The following SIRT1 variants were observed in gnomAD, a reference collection of about 807,000 sequenced individuals.
SIRT1 encodes NAD-dependent protein deacetylase sirtuin-1.
SIRT1 carries 24 observed loss-of-function variants against 67.9 expected under a neutral mutation model. That is an observed-to-expected ratio of 0.35 (90% CI 0.26 to 0.50). The LOEUF (loss-of-function observed/expected upper bound fraction) is 0.50. Among genes scored for constraint, SIRT1 ranks in the 20% least tolerant of loss-of-function variants. SIRT1 has a pLI of 0.98. For synonymous variants in SIRT1, 378 were observed against 350.7 expected (o/e 1.08, Z -0.87); for missense variants, 873 against 937.2 (o/e 0.93, Z 0.89).
At chr10:67,903,229 G>T (rs1842769851) in intron 4 of SIRT1, among the ~76,000 whole-genome samples, 1 of 152,150 alleles carries the variant, frequency 6.6e-6, no homozygotes, top group Non-Finnish European at 1.5e-5. Context: ...CCAGTAGCAG[G>T]AACTACAGGC....
At chr10:67,913,150 G>A in intron 8 of SIRT1, 119 bp downstream of exon 8, 2 of 994,612 alleles carry the variant, frequency 2.0e-6, no homozygotes, top group Non-Finnish European at 2.9e-6. Flanking sequence ...TCTGTTTAGA[G>A]AAACTGTACA....
At chr10:67,916,028 C>T (rs1461945245) in intron 8 of SIRT1, among the ~76,000 whole-genome samples, 1 of 152,166 alleles carries the variant, frequency 6.6e-6, no homozygotes, top group Non-Finnish European at 1.5e-5. Flanking sequence ...GGGCCTCACT[C>T]TGTTGCCTAG....
Position 67,884,707 on chromosome 10 carries a change from A to C in SIRT1, c.-15A>C. 1 of 1,228,452 alleles carries C rather than the reference A, an allele frequency of 8.1e-7. No individual in the cohort carries two copies. The allele number at this position is 1,228,452 out of a possible 1,614,324, so 76.1% of individuals were successfully genotyped here. ...AGAGGAGGCGAGGGAGGAGGGCCAG[A>C]GAGGCAGTTGGAAGATGGCGGACGA... On this transcript the variant is annotated 5_prime_UTR_variant, in exon 1 of 9. Coordinates refer to ENST00000212015, the MANE Select transcript of SIRT1 (RefSeq NM_012238.5).
intron 6 of SIRT1, among the ~76,000 whole-genome samples, chr10:67,908,978 A>G (rs556190553): frequency 2.0e-5 from 3 of 152,156 alleles, no homozygotes; most frequent in Middle Eastern, 3.2e-3. Flanking sequence ...TTTAGTGTAT[A>G]TACACACATT....
chr10:67,911,797 A>G (rs1396654041), intron 7 of SIRT1, among the ~76,000 whole-genome samples: 2 of 38,910 alleles, frequency 5.1e-5, no homozygotes, highest in Admixed American at 2.8e-4. Flanking sequence ...CCTCCCTCCT[A>G]TCCTCCCTCC....
In SIRT1 at chr10:67,916,444, T is replaced by C. The variant is rs2029915036; in HGVS notation, c.2095T>C (p.Tyr699His). ...GGATGAAAGTGAAATTGAAGAATTC[T>C]ACAATGGCTTAGAAGATGAGCCTGA... is the stretch of plus-strand genomic sequence containing the variant. The part of the protein sequence containing the change: ...MEDESEIEEF[Y>H]NGLEDEPDVP... Residue 699 changes from tyrosine (Y) to histidine (H), a missense_variant, in exon 9 of 9, where the codon TAC (tyrosine) becomes CAC (histidine). By Grantham distance (83) the Tyr-to-His change is moderately conservative. Around this residue, in one of 3 missense-constraint regions of SIRT1, gnomAD observed 295 missense variants for 294.5 expected, o/e 1.00. Coordinates refer to ENST00000212015, the MANE Select transcript of SIRT1 (RefSeq NM_012238.5). 1 of 1,614,080 alleles carries C rather than the reference T, an allele frequency of 6.2e-7. No homozygotes were observed. Among genetic ancestry groups the C allele is most frequent in the African/African-American group, 1.3e-5 (1 of 74,928 alleles).
At chr10:67,903,682 C>T (rs541681318) in intron 4 of SIRT1, among the ~76,000 whole-genome samples, 2 of 152,156 alleles carry the variant, frequency 1.3e-5, no homozygotes, top group Non-Finnish European at 2.9e-5. Context: ...CCACCACATC[C>T]GGCCAATTTC....
At chr10:67,910,864 T>A (rs1022667645) in intron 7 of SIRT1, among the ~76,000 whole-genome samples, 1 of 152,204 alleles carries the variant, frequency 6.6e-6, no homozygotes, top group Non-Finnish European at 1.5e-5. Flanking sequence ...TTCAGTTGCA[T>A]CAGATGTGTC....
At chr10:67,897,363 C>G (rs1227357587) in intron 4 of SIRT1, among the ~76,000 whole-genome samples, 1 of 148,300 alleles carries the variant, frequency 6.7e-6, no homozygotes, top group African/African-American at 2.5e-5. Flanking sequence ...TCTCGGCTCA[C>G]TTGCAACCTC....
rs923148206 is a variant in SIRT1 at position 67,884,669 on chromosome 10, G to A, written c.-53G>A. The A allele has an allele frequency of 4.9e-6, 6 of 1,225,190 alleles. No individual in the cohort carries two copies. The African/African-American group carries it at 6.2e-5, about 13-fold the overall frequency. 75.9% of individuals were successfully genotyped at this position (1,225,190 alleles called of 1,614,324 possible). On this transcript the variant is annotated 5_prime_UTR_variant, in exon 1 of 9. Transcript: ENST00000212015. ...AGCCGCGGGGGCGCCAGTGCCGCGCGTCGAGCGGGAGCAGAGGAGGCGAGG... is the reference window on the plus strand; with the variant it reads ...AGCCGCGGGGGCGCCAGTGCCGCGCATCGAGCGGGAGCAGAGGAGGCGAGG...
intron 4 of SIRT1, among the ~76,000 whole-genome samples, chr10:67,899,732 G>T (rs1209647440): frequency 6.6e-6 from 1 of 151,978 alleles, no homozygotes; most frequent in Non-Finnish European, 1.5e-5. Context: ...CTATTGATAG[G>T]TATCTGCATT....
At chr10:67,906,472 C>T (rs1024428091) in intron 4 of SIRT1, among the ~76,000 whole-genome samples, 3 of 151,742 alleles carry the variant, frequency 2.0e-5, no homozygotes, top group African/African-American at 4.8e-5. Flanking sequence ...TCTGAATTTG[C>T]AGCCAACAAA....
At position 67,908,080 on chromosome 10, in the gene SIRT1, A is replaced by G; in HGVS notation, c.1125A>G (p.Lys375=). The change falls in exon 6 of 9, where the codon AAA becomes AAG. Residue 375 remains lysine (K), a synonymous_variant. Coordinates refer to ENST00000212015, the MANE Select transcript of SIRT1 (RefSeq NM_012238.5). ...CAACAGCATCTTGCCTGATTTGTAA[A>G]TACAAAGTTGACTGTGAAGCTGTAC... is the stretch of plus-strand genomic sequence containing the variant. ...SFATASCLIC[K]YKVDCEAVRG... 6.2e-7 allele frequency: 1 copy of G among 1,613,748 alleles called. No homozygotes were observed. The highest frequency in any genetic ancestry group is 8.5e-7 in the Non-Finnish European group (1 of 1,179,846).
intron 8 of SIRT1, among the ~76,000 whole-genome samples, chr10:67,915,570 G>C (rs1966188): frequency 0.97 from 148,039 of 152,282 alleles, 72,092 homozygotes; most frequent in East Asian, 1. Flanking sequence ...TCGGGTGAAT[G>C]TAAATTTAGG....
intron 7 of SIRT1, among the ~76,000 whole-genome samples, chr10:67,909,803 C>T (rs958331654): frequency 6.6e-6 from 1 of 151,922 alleles, no homozygotes; most frequent in Non-Finnish European, 1.5e-5. Flanking sequence ...TCGAACTCCT[C>T]AGCTCAGGTG....
intron 5 of SIRT1, 114 bp downstream of exon 5, chr10:67,907,051 A>G (rs1447996413): frequency 1.1e-6 from 1 of 935,496 alleles, no homozygotes; most frequent in Non-Finnish European, 1.5e-6. Context: ...TAATCATGTT[A>G]TCTCATTTAT....
intron 4 of SIRT1, among the ~76,000 whole-genome samples, chr10:67,902,498 A>G (rs1428865219): frequency 2.0e-5 from 3 of 152,208 alleles, no homozygotes; most frequent in African/African-American, 4.8e-5. Flanking sequence ...TAGCCATACT[A>G]TTTATATATT....
chr10:67,913,924 A>C (rs1842938438), intron 8 of SIRT1, among the ~76,000 whole-genome samples: 1 of 150,814 alleles, frequency 6.6e-6, no homozygotes, highest in Admixed American at 6.7e-5. Flanking sequence ...CACTGTGGTA[A>C]GTTATGGAGA....
At chr10:67,906,555 G>C (rs1842823125) in intron 4 of SIRT1, among the ~76,000 whole-genome samples, 1 of 152,048 alleles carries the variant, frequency 6.6e-6, no homozygotes, top group South Asian at 2.1e-4. Context: ...ATGTTTATGG[G>C]CCGACTTTGT....
Sources: gnomAD v4.1 joint callset for allele counts (sites outside exome capture counted in the v4.1 genomes callset) on GRCh38, gnomAD v4.1.1 for gene constraint, gnomAD v4.1.1 regional missense constraint, MANE v1.5 for transcripts, NCBI Gene and HGNC (gene_info 2026-07-23, HGNC 2026-07-21) for gene names.